OIP5: variants seen among roughly 807,000 people sequenced by gnomAD.
OIP5 encodes Opa interacting protein 5.
Under a neutral mutation model 20.3 loss-of-function variants are expected in OIP5, and 24 were observed. The observed-to-expected ratio is 1.18, with a 90% CI of 0.86 to 1.66. OIP5 has a LOEUF of 1.66. OIP5 is among the 40% of genes most tolerant of loss of function. The pLI is 0.00. For synonymous variants in OIP5, 143 were observed against 121.3 expected, an observed-to-expected ratio of 1.18 and a Z score of -1.17; for missense variants, 339 against 289.5, an observed-to-expected ratio of 1.17 and a Z score of -1.24.
At chr15:41,323,135 C>T (rs1413979136) in intron 2 of OIP5, among the ~76,000 whole-genome samples, 6 of 152,100 alleles carry the variant, frequency 3.9e-5, no homozygotes, top group Non-Finnish European at 8.8e-5. Context: ...TGAAATTCCA[C>T]GTAGGAATTA....
intron 3 of OIP5, among the ~76,000 whole-genome samples, chr15:41,315,023 G>C (rs1283321432): frequency 6.8e-6 from 1 of 148,016 alleles, no homozygotes; most frequent in Non-Finnish European, 1.5e-5. Flanking sequence ...GAGTTGGGAG[G>C]ATCACCTGAA....
Position 41,329,603 on chromosome 15 carries a change from T to C in OIP5, c.389+2312A>G, listed in dbSNP as rs138486184. ...TGCTGGGATTATAGGTGTAAGCCAC[T>C]GCACCTGGCCTTCCTCCAGTTTTTT... On this transcript the variant is annotated intron_variant, in intron 2 of 4. Coordinates refer to ENST00000220514, the MANE Select transcript of OIP5 (RefSeq NM_007280.2). Among the ~76,000 whole-genome samples, 362 of 149,962 alleles carry C rather than the reference T, an allele frequency of 2.4e-3. 1 individual carries two copies. Among genetic ancestry groups the C allele is most frequent in the African/African-American group, 8.2e-3 (335 of 40,754 alleles).
Position 41,313,348 on chromosome 15 carries a change from G to C in OIP5, c.519C>G (p.Leu173=). The C allele has an allele frequency of 6.3e-7, 1 of 1,577,104 alleles. No homozygotes were observed. The highest frequency in any genetic ancestry group is 1.1e-5 in the South Asian group (1 of 89,960). ...CLSSDKMVCY[L]LKTKAIVNAS... ...CATTTACTATGGCTTTTGTTTTTAAGAGATAGCTAGATAGGAAAAAAGAAA... is the reference window on the plus strand; with the variant it reads ...CATTTACTATGGCTTTTGTTTTTAACAGATAGCTAGATAGGAAAAAAGAAA... Residue 173 remains leucine, a synonymous_variant, in exon 4 of 5, where the codon CTC becomes CTG. Transcript: ENST00000220514.
At chr15:41,327,489 T>C (rs968330072) in intron 2 of OIP5, among the ~76,000 whole-genome samples, 3 of 151,420 alleles carry the variant, frequency 2.0e-5, no homozygotes, top group Non-Finnish European at 4.4e-5. Flanking sequence ...AATTGGGATA[T>C]ATCTTTAAAA....
chr15:41,325,738 T>C (rs2047857674), intron 2 of OIP5, among the ~76,000 whole-genome samples: 1 of 150,212 alleles, frequency 6.7e-6, no homozygotes, highest in South Asian at 2.1e-4. Context: ...TAATCCCAGC[T>C]ACTAGGGAGG....
intron 2 of OIP5, among the ~76,000 whole-genome samples, chr15:41,327,216 T>C (rs2047867391): frequency 6.6e-6 from 1 of 151,770 alleles, no homozygotes; most frequent in African/African-American, 2.4e-5. Context: ...AGTCTTCCTC[T>C]TGTCACCCAG....
chr15:41,314,296 T>A (rs2140459227), intron 3 of OIP5, among the ~76,000 whole-genome samples: 1 of 152,206 alleles, frequency 6.6e-6, no homozygotes, highest in South Asian at 2.1e-4. Context: ...GAGATGGGGT[T>A]TCACCATGTT....
Position 41,309,669 on chromosome 15 carries a change from A to T in OIP5, c.*85T>A. On this transcript the variant is annotated 3_prime_UTR_variant, in exon 5 of 5. Transcript: ENST00000220514. Reference sequence around the variant, plus strand: ...CATTTCCCCTCCATTCTTGAAGCCAATCTTTTTCAAGAAATGACTAAGCAG... The same window carrying T: ...CATTTCCCCTCCATTCTTGAAGCCATTCTTTTTCAAGAAATGACTAAGCAG... 1 of 861,942 alleles carries T rather than the reference A, an allele frequency of 1.2e-6. No homozygotes were observed. The highest frequency in any genetic ancestry group is 1.8e-6 in the Non-Finnish European group (1 of 542,074). 53.4% of individuals were successfully genotyped at this position (861,942 alleles called of 1,614,324 possible).
At chr15:41,329,550 G>A (rs563544762) in intron 2 of OIP5, among the ~76,000 whole-genome samples, 1 of 151,938 alleles carries the variant, frequency 6.6e-6, no homozygotes, top group Non-Finnish European at 1.5e-5. Flanking sequence ...TCCCGACCTT[G>A]TGATCTGCCT....
rs570799984 is a variant in OIP5 at position 41,326,484 on chromosome 15, C to T, written c.389+5431G>A. On this transcript the variant is annotated intron_variant, in intron 2 of 4. Coordinates refer to ENST00000220514, the MANE Select transcript of OIP5 (RefSeq NM_007280.2). ...CATTCCCCAGGCTGGAGTGCAATGG[C>T]GTGATCTTGGCTTACCACAACCTCC... Among the ~76,000 whole-genome samples the T allele has an allele frequency of 3.4e-4, 52 of 152,220 alleles. 1 individual carries two copies. Among genetic ancestry groups the T allele is most frequent in the Middle Eastern group, 6.8e-3 (2 of 294 alleles).
chr15:41,332,329 AAC>A lies in OIP5; in HGVS notation c.231_232del (p.Phe78ProfsTer34). ...CACTGCGTGACACTGTGCGCACTGG[AAC>A]ACAGCGCACCTCTCAGGCTGCAGCC... On this transcript the variant is annotated frameshift_variant, in exon 1 of 5. Transcript: ENST00000220514. LOFTEE classifies it high-confidence loss of function. The A allele has an allele frequency of 6.2e-7, 1 of 1,611,254 alleles. No individual in the cohort carries two copies. The highest frequency in any genetic ancestry group is 8.5e-7 in the Non-Finnish European group (1 of 1,178,676).
chr15:41,327,454 G>A (rs930553006), intron 2 of OIP5, among the ~76,000 whole-genome samples: 32 of 151,798 alleles, frequency 2.1e-4, no homozygotes, highest in African/African-American at 6.8e-4. Flanking sequence ...TGGGATTACA[G>A]GCGTGAGTCA....
chr15:41,330,489 C>T (rs1045903325), intron 2 of OIP5, among the ~76,000 whole-genome samples: 2 of 151,028 alleles, frequency 1.3e-5, no homozygotes, highest in African/African-American at 4.9e-5. Context: ...CTGCAAGCTC[C>T]GCCTCCCGGG....
chr15:41,325,357 G>A (rs968438090), intron 2 of OIP5, among the ~76,000 whole-genome samples: 2 of 152,024 alleles, frequency 1.3e-5, no homozygotes, highest in Non-Finnish European at 2.9e-5. Context: ...AGTGAGCCTA[G>A]ATCACGCCAC....
chr15:41,331,239 T>C (rs967148504), intron 2 of OIP5, among the ~76,000 whole-genome samples: 10 of 152,230 alleles, frequency 6.6e-5, no homozygotes, highest in African/African-American at 2.4e-4. Flanking sequence ...TTGTAAATCA[T>C]AGTACAGGCA....
At chr15:41,310,353 G>T (rs1400604008) in intron 4 of OIP5, among the ~76,000 whole-genome samples, 1 of 152,298 alleles carries the variant, frequency 6.6e-6, no homozygotes, top group East Asian at 1.9e-4. Context: ...GTGGCCAGGC[G>T]CAGTGGCTCA....
rs74976629 is a variant in OIP5 at position 41,311,876 on chromosome 15, C to CT, written c.594+1396dup. Reference sequence around the variant, plus strand: ...CCACCGCACCCAGCCAATAAGAATTCTTTTTTTTTTTTTCCACACAGAGTT... The same window carrying CT: ...CCACCGCACCCAGCCAATAAGAATTCTTTTTTTTTTTTTTCCACACAGAGTT... On this transcript the variant is annotated intron_variant, in intron 4 of 4. Transcript: ENST00000220514. 1.0e-3 allele frequency among the ~76,000 whole-genome samples: 142 copies of CT among 135,738 alleles called. 4 individuals carry two copies. Among genetic ancestry groups the CT allele is most frequent in the Middle Eastern group, 7.6e-3 (2 of 262 alleles). 89.0% of individuals were successfully genotyped at this position (135,738 alleles called of 152,430 possible).
At chr15:41,331,850 C>T in intron 2 of OIP5, 65 bp downstream of exon 2, 1 of 1,338,272 alleles carries the variant, frequency 7.5e-7, no homozygotes, top group Non-Finnish European at 1.1e-6. Context: ...TCGTACATGT[C>T]AGTTCCACGA....
chr15:41,330,399 C>T lies in OIP5; in HGVS notation c.389+1516G>A, dbSNP rs895848369. ...ATAGGCGTAAGCCACCGCTCCCAGCCGTAATCAGTATTTTTTTTTTTTTTT... is the reference window on the plus strand; with the variant it reads ...ATAGGCGTAAGCCACCGCTCCCAGCTGTAATCAGTATTTTTTTTTTTTTTT... On this transcript the variant is annotated intron_variant, in intron 2 of 4. Transcript: ENST00000220514. 5.3e-5 allele frequency among the ~76,000 whole-genome samples: 8 copies of T among 150,456 alleles called. 1 individual carries two copies. The highest frequency in any genetic ancestry group is 2.1e-4 in the South Asian group (1 of 4,768).
Sources: gnomAD v4.1 joint callset for allele counts (sites outside exome capture counted in the v4.1 genomes callset) on GRCh38, gnomAD v4.1.1 for gene constraint, MANE v1.5 for transcripts, NCBI Gene and HGNC (gene_info 2026-07-23, HGNC 2026-07-21) for gene names.